The following EDARADD variants were observed in gnomAD, a reference collection of about 807,000 sequenced individuals.
EDARADD encodes EDAR associated via death domain.
In EDARADD, 20 loss-of-function variants were observed where a neutral mutation model predicts 25.6. The ratio of observed to expected loss-of-function variants is 0.78; its 90% confidence interval spans 0.55 to 1.14. EDARADD has a LOEUF of 1.14. Among genes scored for constraint, EDARADD ranks in the 50% most tolerant of loss-of-function variants. EDARADD has a pLI of 0.00. For synonymous variants in EDARADD, 86 were observed against 94.4 expected (o/e 0.91, Z 0.52); for missense variants, 225 against 270.1 (o/e 0.83, Z 1.17).
chr1:236,464,508 A>C (rs994011841), intron 4 of EDARADD, among the ~76,000 whole-genome samples: 3 of 137,716 alleles, frequency 2.2e-5, no homozygotes, highest in Non-Finnish European at 4.7e-5. Flanking sequence ...TCTCGGCTCA[A>C]TGCAACCTCC....
chr1:236,408,446 T>C (rs2440893), intron 1 of EDARADD, among the ~76,000 whole-genome samples: 101,756 of 151,924 alleles, frequency 0.67, 34,423 homozygotes, highest in Non-Finnish European at 0.69. Flanking sequence ...TCAGGTGATC[T>C]GCCCGGCTTG....
intron 3 of EDARADD, among the ~76,000 whole-genome samples, chr1:236,384,836 ATTT>A (rs1327620902): frequency 2.6e-5 from 4 of 151,798 alleles, no homozygotes; most frequent in Non-Finnish European, 2.9e-5. Context: ...GCCTATTTTT[ATTT>A]CTTCTAGAAA....
In EDARADD at chr1:236,417,548, A is replaced by G. The variant is rs193130176; in HGVS notation, c.160+3249A>G. Reference sequence around the variant, plus strand: ...GGCATAAATGCAGAACTTCCACCTCAAGCAGCCACCCCCTGATTTTACAGT... The same window carrying G: ...GGCATAAATGCAGAACTTCCACCTCGAGCAGCCACCCCCTGATTTTACAGT... On this transcript the variant is annotated intron_variant, in intron 3 of 5. Transcript: ENST00000334232. 5.3e-5 allele frequency among the ~76,000 whole-genome samples: 8 copies of G among 152,298 alleles called. No homozygotes were observed. The East Asian group carries it at 1.3e-3, about 26-fold the overall frequency.
rs189001821 is a variant in EDARADD at position 236,418,144 on chromosome 1, G to A, written c.160+3845G>A. On this transcript the variant is annotated intron_variant, in intron 3 of 5. Coordinates refer to ENST00000334232, the MANE Select transcript of EDARADD (RefSeq NM_145861.4). ...AATTTTTTGTATTTTTAGTAAAGAC[G>A]GGGTTTCACCGTGTTAGCCAGGATG... is the stretch of plus-strand genomic sequence containing the variant. Among the ~76,000 whole-genome samples, 648 of 151,816 alleles carry A rather than the reference G, an allele frequency of 4.3e-3. 6 individuals are homozygous for A. The highest frequency in any genetic ancestry group is 0.015 in the African/African-American group (612 of 41,400).
intron 3 of EDARADD, among the ~76,000 whole-genome samples, chr1:236,359,631 T>A (rs1667023016): frequency 6.6e-6 from 1 of 152,224 alleles, no homozygotes; most frequent in Admixed American, 6.5e-5. Flanking sequence ...CTCACAGTCA[T>A]GGCAGAAGGC....
chr1:236,366,883 C>T (rs575828908), intron 3 of EDARADD, among the ~76,000 whole-genome samples: 1 of 152,002 alleles, frequency 6.6e-6, no homozygotes, highest in South Asian at 2.1e-4. Flanking sequence ...CCGAGACCAG[C>T]CTGGCCAACA....
chr1:236,409,044 C>A (rs1264236403), intron 1 of EDARADD, among the ~76,000 whole-genome samples, 172 bp from the exon 2 acceptor site: 2 of 149,434 alleles, frequency 1.3e-5, no homozygotes, highest in East Asian at 3.9e-4. Context: ...GCATGAGCTA[C>A]CTCACCCAGC....
chr1:236,480,340 T>C lies in EDARADD; in HGVS notation c.266-1927T>C, dbSNP rs1198654530. Reference sequence around the variant, plus strand: ...CTAACTGTAGACATTTTGGTTGTTTTTGAAACTTAATAATGTAAATAACAC... The same window carrying C: ...CTAACTGTAGACATTTTGGTTGTTTCTGAAACTTAATAATGTAAATAACAC... On this transcript the variant is annotated intron_variant, in intron 5 of 5. Coordinates refer to ENST00000334232, the MANE Select transcript of EDARADD (RefSeq NM_145861.4). Among the ~76,000 whole-genome samples, 4 of 152,114 alleles carry C rather than the reference T, an allele frequency of 2.6e-5. No individual in the cohort carries two copies. The East Asian group carries it at 7.8e-4, about 29-fold the overall frequency.
intron 5 of EDARADD, among the ~76,000 whole-genome samples, chr1:236,469,472 CA>C (rs976099401): frequency 6.6e-6 from 1 of 151,794 alleles, no homozygotes; most frequent in African/African-American, 2.4e-5. Context: ...GACTCCATCT[CA>C]AAAAAATGCT....
chr1:236,451,168 T>C (rs1211307459), intron 4 of EDARADD, among the ~76,000 whole-genome samples: 2 of 152,190 alleles, frequency 1.3e-5, no homozygotes, highest in South Asian at 2.1e-4. Flanking sequence ...TGATAGAATC[T>C]ACTATCTTGA....
chr1:236,436,466 C>G (rs1297992213), intron 4 of EDARADD, among the ~76,000 whole-genome samples: 1 of 151,834 alleles, frequency 6.6e-6, no homozygotes, highest in Non-Finnish European at 1.5e-5. Context: ...CCAGCCAAAA[C>G]TTTCTTTTTA....
chr1:236,415,373 C>T (rs115585022), intron 3 of EDARADD, among the ~76,000 whole-genome samples: 2 of 152,292 alleles, frequency 1.3e-5, no homozygotes, highest in Admixed American at 6.5e-5. Context: ...ATGGTGCAGA[C>T]CATAGGGGTG....
At position 236,394,370 on chromosome 1, in the gene EDARADD, C is replaced by T. The variant is rs1667475218; in HGVS notation, c.-75C>T. The T allele has an allele frequency of 6.6e-6, 10 of 1,511,496 alleles. No homozygotes were observed. The highest frequency in any genetic ancestry group is 1.7e-5 in the Admixed American group (1 of 59,704). 93.6% of individuals were successfully genotyped at this position (1,511,496 alleles called of 1,614,324 possible). On this transcript the variant is annotated 5_prime_UTR_variant, in exon 1 of 6. Transcript: ENST00000334232. ...GGTTTGACTCTGGCCAGACAACCAG[C>T]GAGCATCTTCTCGCAATCTGTTGCT... is the stretch of plus-strand genomic sequence containing the variant.
chr1:236,426,701 A>C (rs772070050), intron 3 of EDARADD, among the ~76,000 whole-genome samples: 1 of 152,180 alleles, frequency 6.6e-6, no homozygotes, highest in Non-Finnish European at 1.5e-5. Flanking sequence ...TGAGGCCAGG[A>C]GTTCAAAACC....
rs1659752716 is a variant in EDARADD at position 236,483,785 on chromosome 1, G to C, written c.*1136G>C. ...AATATGGGAAAGATGCCACCGGTGT[G>C]GGGGATGGAGGCGCGTTTGCTCCCA... is the stretch of plus-strand genomic sequence containing the variant. On this transcript the variant is annotated 3_prime_UTR_variant, in exon 6 of 6. Coordinates refer to ENST00000334232, the MANE Select transcript of EDARADD (RefSeq NM_145861.4). The C allele has an allele frequency of 2.1e-6, 3 of 1,461,320 alleles. No homozygotes were observed. In the East Asian group the frequency reaches 6.8e-5, roughly 33 times the overall value. 90.5% of individuals were successfully genotyped at this position (1,461,320 alleles called of 1,614,324 possible).
At chr1:236,397,843 G>GCA (rs1163594512) in intron 1 of EDARADD, among the ~76,000 whole-genome samples, 3 of 151,898 alleles carry the variant, frequency 2.0e-5, no homozygotes, top group Non-Finnish European at 2.9e-5. Flanking sequence ...AAACACAGGC[G>GCA]CACACACACA....
chr1:236,428,920 G>C (rs947164451), intron 4 of EDARADD, among the ~76,000 whole-genome samples: 3 of 152,050 alleles, frequency 2.0e-5, no homozygotes, highest in Admixed American at 6.5e-5. Flanking sequence ...GATCACTCGC[G>C]GTCAGGAGCT....
intron 4 of EDARADD, among the ~76,000 whole-genome samples, chr1:236,450,364 AT>A (rs1029449574): frequency 2.0e-5 from 3 of 151,608 alleles, no homozygotes; most frequent in East Asian, 3.9e-4. Context: ...CATGGGTATA[AT>A]TTTTTTTTGT....
intron 3 of EDARADD, among the ~76,000 whole-genome samples, chr1:236,368,356 C>T (rs1216034394): frequency 1.3e-5 from 2 of 151,660 alleles, no homozygotes; most frequent in African/African-American, 2.4e-5. Flanking sequence ...AGCTATTGTT[C>T]GATTTCTCAT....
Sources: gnomAD v4.1 joint callset for allele counts (sites outside exome capture counted in the v4.1 genomes callset) on GRCh38, gnomAD v4.1.1 for gene constraint, MANE v1.5 for transcripts, NCBI Gene and HGNC (gene_info 2026-07-23, HGNC 2026-07-21) for gene names.